The following POSTN variants were observed in gnomAD, a reference collection of about 807,000 sequenced individuals.
POSTN encodes periostin.
A neutral mutation model predicts 104.5 loss-of-function variants in POSTN; 71 were observed. That is an observed-to-expected ratio of 0.68 (90% CI 0.56 to 0.83). POSTN has a LOEUF of 0.83. Among genes scored for constraint, POSTN ranks in the 40% least tolerant of loss-of-function variants. POSTN has a pLI of 0.00. For synonymous variants in POSTN, 355 were observed against 340.7 expected (o/e 1.04, Z -0.46); for missense variants, 949 against 1,006.8 (o/e 0.94, Z 0.78).
In POSTN at chr13:37,564,525, CT is replaced by C. The variant is rs756684717; in HGVS notation, c.2466del (p.Val823PhefsTer8). ...CTATAGCCAATACACTTACCTTGAA[CT>C]TTTTTGTTGGCTTGCAACTTCCTCA... ...TPVRKLQANK[K>X]VQGSRRRLRE... On this transcript the variant is annotated frameshift_variant, in exon 22 of 23. Coordinates refer to ENST00000379747, the MANE Select transcript of POSTN (RefSeq NM_006475.3). LOFTEE classifies it high-confidence loss of function. The C allele has an allele frequency of 5.0e-6, 8 of 1,596,442 alleles. No homozygotes were observed. The highest frequency in any genetic ancestry group is 6.9e-6 in the Non-Finnish European group (8 of 1,166,180).
chr13:37,581,935 A>G (rs1165383540), intron 10 of POSTN, among the ~76,000 whole-genome samples: 3 of 152,218 alleles, frequency 2.0e-5, no homozygotes, highest in African/African-American at 7.2e-5. Context: ...AACACATTGT[A>G]TGTGTAGTCA....
In POSTN at chr13:37,563,322, T is replaced by A; in HGVS notation, c.*11A>T. 2 of 1,573,962 alleles carry A rather than the reference T, an allele frequency of 1.3e-6. No homozygotes were observed. The highest frequency in any genetic ancestry group is 1.7e-6 in the Non-Finnish European group (2 of 1,149,142). On this transcript the variant is annotated 3_prime_UTR_variant, in exon 23 of 23. Coordinates refer to ENST00000379747, the MANE Select transcript of POSTN (RefSeq NM_006475.3). ...GGGTTGTATAAACATTTTTTTCTGG[T>A]TTTTGGATTTTCACTGAGAACGACC...
At chr13:37,575,441 G>T (rs1420270413) in intron 16 of POSTN, among the ~76,000 whole-genome samples, 1 of 151,870 alleles carries the variant, frequency 6.6e-6, no homozygotes, top group Non-Finnish European at 1.5e-5. Flanking sequence ...AAACCTACGT[G>T]TGTACCCCCC....
chr13:37,567,496 AAG>A (rs1468983115), intron 21 of POSTN, among the ~76,000 whole-genome samples: 3 of 152,288 alleles, frequency 2.0e-5, no homozygotes, highest in Non-Finnish European at 4.4e-5. Flanking sequence ...AGCTGGAAAA[AAG>A]AAAACAAGCA....
Position 37,580,691 on chromosome 13 carries a change from A to G in POSTN, c.1399T>C (p.Cys467Arg). The change falls in exon 11 of 23, where the codon TGC becomes CGC. Residue 467 changes from cysteine to arginine, a missense_variant. Transcript: ENST00000379747. ...TTCTCCATGCATGAATTTTCAATGC[A>G]GACAGCCTAGGAAAGGAAAGAAAGG... ...LRVFVYRTAVCIENSCMEKGS... is the reference protein window; with the variant it reads ...LRVFVYRTAVRIENSCMEKGS... The G allele has an allele frequency of 6.2e-7, 1 of 1,614,124 alleles. No individual in the cohort carries two copies. The highest frequency in any genetic ancestry group is 8.5e-7 in the Non-Finnish European group (1 of 1,179,992).
chr13:37,587,667 A>T (rs1276767321), intron 5 of POSTN, among the ~76,000 whole-genome samples, 155 bp downstream of exon 5: 3 of 152,156 alleles, frequency 2.0e-5, no homozygotes, highest in African/African-American at 7.2e-5. Context: ...CCAGATTGGA[A>T]ATTTACATGC....
chr13:37,571,558 A>G (rs1950263804), intron 17 of POSTN, 100 bp from the exon 18 acceptor site: 1 of 837,686 alleles, frequency 1.2e-6, no homozygotes, highest in Middle Eastern at 2.3e-4. Context: ...ACTCAACTCA[A>G]ATGTCAAAGT....
chr13:37,592,597 C>A (rs182699140), intron 2 of POSTN, among the ~76,000 whole-genome samples: 5 of 152,208 alleles, frequency 3.3e-5, no homozygotes, highest in Admixed American at 2.0e-4. Flanking sequence ...TGCGCCCGGC[C>A]GATTTTTTCT....
In POSTN at chr13:37,583,957, T is replaced by C; in HGVS notation, c.1243+12A>G. ...TAGGCAGAGAGCAGGAACAACAGTG[T>C]CCAGCACATACCAGAAAATGCATTA... On this transcript the variant is annotated intron_variant, in intron 9 of 22. Transcript: ENST00000379747. The C allele has an allele frequency of 1.2e-6, 2 of 1,613,054 alleles. No homozygotes were observed. The highest frequency in any genetic ancestry group is 1.7e-6 in the Non-Finnish European group (2 of 1,179,410).
intron 2 of POSTN, 39 bp from the exon 3 acceptor site, chr13:37,592,203 T>A: frequency 8.5e-7 from 1 of 1,182,406 alleles, no homozygotes; most frequent in Non-Finnish European, 1.2e-6. Context: ...AATGAGAAAC[T>A]AAATAGGATA....
intron 16 of POSTN, among the ~76,000 whole-genome samples, chr13:37,576,002 C>T (rs1459091616): frequency 2.0e-5 from 3 of 152,026 alleles, no homozygotes; most frequent in Non-Finnish European, 4.4e-5. Context: ...AGGAATTTGA[C>T]GTTTTGGATG....
At chr13:37,575,649 A>G (rs962991092) in intron 16 of POSTN, among the ~76,000 whole-genome samples, 1 of 152,120 alleles carries the variant, frequency 6.6e-6, no homozygotes, top group African/African-American at 2.4e-5. Flanking sequence ...CTGTGCATCT[A>G]GATCACATCA....
At chr13:37,565,071 G>T (rs1950052503) in intron 21 of POSTN, 2 of 152,036 alleles carry the variant, frequency 1.3e-5, no homozygotes, top group Non-Finnish European at 2.9e-5. Context: ...CTGACCTAAT[G>T]ATTCTAGAAA....
rs1403795519 is a variant in POSTN, at chr13:37,597,337, C to T, written c.120-55G>A. 16 of 1,157,754 alleles carry T rather than the reference C, an allele frequency of 1.4e-5. No individual in the cohort carries two copies. In the East Asian group the frequency reaches 2.1e-4, roughly 15 times the overall value. 71.7% of individuals were successfully genotyped at this position (1,157,754 alleles called of 1,614,324 possible). A position where few individuals can be genotyped will look rare whatever the true frequency, so the allele number is the denominator to read the frequency against. On this transcript the variant is annotated intron_variant, in intron 1 of 22. Transcript: ENST00000379747. ...AATGTCCTAATAATGACTAGTTTTT[C>T]GTATCTAAAGATTGGTTGATAGAAG...
chr13:37,572,802 A>G (rs900346557), intron 17 of POSTN, among the ~76,000 whole-genome samples: 7 of 151,642 alleles, frequency 4.6e-5, no homozygotes, highest in African/African-American at 1.7e-4. Context: ...TAAGAATTTA[A>G]AAGTCATCAA....
Position 37,579,102 on chromosome 13 carries a change from A to C in POSTN, c.1811T>G (p.Val604Gly), listed in dbSNP as rs760971762. Reference sequence around the variant, plus strand: ...AGATTCTTTTGATTTCAATTCATTCACCAGAAGTGTATCATTTACCTATCA... The same window carrying C: ...AGATTCTTTTGATTTCAATTCATTCCCCAGAAGTGTATCATTTACCTATCA... ...FLKEVNDTLL[V>G]NELKSKESDI... The change falls in exon 14 of 23, where the codon GTG (valine) becomes GGG (glycine). Residue 604 changes from valine (V) to glycine (G), a missense_variant. Val to Gly is a moderately radical substitution (Grantham distance 109). Transcript: ENST00000379747. 6 of 1,612,804 alleles carry C rather than the reference A, an allele frequency of 3.7e-6. No homozygotes were observed. In the Admixed American group the frequency reaches 8.3e-5, roughly 22 times the overall value.
chr13:37,582,261 TTTAC>T, intron 10 of POSTN, 101 bp downstream of exon 10: 1 of 1,302,702 alleles, frequency 7.7e-7, no homozygotes. Context: ...TCTATGAATA[TTTAC>T]TATTAGAACC....
intron 3 of POSTN, 133 bp from the exon 4 acceptor site, chr13:37,590,662 C>A: frequency 1.5e-6 from 1 of 677,962 alleles, no homozygotes; most frequent in South Asian, 5.1e-5. Context: ...TATGAATAAT[C>A]ATTTTTATAT....
intron 2 of POSTN, among the ~76,000 whole-genome samples, chr13:37,592,411 G>T (rs1224995778): frequency 6.6e-6 from 1 of 152,048 alleles, no homozygotes; most frequent in East Asian, 1.9e-4. Flanking sequence ...CCATTCTCCT[G>T]CCTCAACCTC....
Sources: allele counts gnomAD v4.1 joint callset (sites outside exome capture counted in the v4.1 genomes callset), GRCh38; gene constraint gnomAD v4.1.1; transcripts MANE v1.5; gene names NCBI Gene and HGNC (gene_info 2026-07-23, HGNC 2026-07-21).